Variants in PLPP3 observed in about 807,000 individuals in gnomAD.
The protein encoded by PLPP3 is PAP2 beta.
A neutral mutation model predicts 29.6 loss-of-function variants in PLPP3; 6 were observed. The ratio of observed to expected loss-of-function variants is 0.20; its 90% CI spans 0.11 to 0.40. The LOEUF (loss-of-function observed/expected upper bound fraction) is 0.40, where lower values mean the gene tolerates loss of function less well. Ranked by LOEUF, PLPP3 falls within the 10% of genes least tolerant of loss-of-function variation. The pLI is 1.00. For synonymous variants in PLPP3, 152 were observed against 159.7 expected (o/e 0.95, Z 0.36); for missense variants, 308 against 407.7 (o/e 0.76, Z 2.11).
rs1176411561 is a variant in PLPP3 at position 56,496,636 on chromosome 1, A to C, written c.851T>G (p.Leu284Arg). The C allele has an allele frequency of 1.2e-6, 2 of 1,613,902 alleles. No homozygotes were observed. Among genetic ancestry groups the C allele is most frequent in the Non-Finnish European group, 1.7e-6 (2 of 1,179,866 alleles). The change falls in exon 6 of 6, where the codon CTC becomes CGC. Residue 284 changes from leucine (L) to arginine (R), a missense_variant. Leu to Arg is a moderately radical substitution (Grantham distance 102). Around this residue, in one of 3 missense-constraint regions of PLPP3, gnomAD observed 232 missense variants for 317.2 expected, o/e 0.73. Coordinates refer to ENST00000371250, the MANE Select transcript of PLPP3 (RefSeq NM_003713.5). ...VSDLFKTKTT[L>R]SLPAPAIRKE... ...CCGGATAGCAGGGGCAGGCAGGGAG[A>C]GCGTCGTCTTAGTCTTGAAGAGGTC... is the stretch of plus-strand genomic sequence containing the variant.
chr1:56,507,614 T>C (rs1645712276), intron 5 of PLPP3, among the ~76,000 whole-genome samples: 1 of 152,160 alleles, frequency 6.6e-6, no homozygotes, highest in African/African-American at 2.4e-5. Context: ...CAATACTGTC[T>C]CCAGGGACTG....
intron 1 of PLPP3, among the ~76,000 whole-genome samples, chr1:56,561,256 T>C (rs180699167): frequency 1.4e-3 from 220 of 152,082 alleles, no homozygotes; most frequent in African/African-American, 5.0e-3. Context: ...GAAGCTATCA[T>C]GGTTAGCACA....
At chr1:56,510,043 T>C (rs1018087030) in intron 5 of PLPP3, among the ~76,000 whole-genome samples, 4 of 152,108 alleles carry the variant, frequency 2.6e-5, no homozygotes, top group Non-Finnish European at 5.9e-5. Context: ...TTATGGCCCA[T>C]GTTTTAGGAT....
intron 2 of PLPP3, among the ~76,000 whole-genome samples, chr1:56,529,529 G>T (rs75201230): frequency 0.011 from 1,632 of 152,230 alleles, 27 homozygotes; most frequent in African/African-American, 0.036. Flanking sequence ...ATGGAGAATC[G>T]TGAAGGGAGA....
intron 1 of PLPP3, among the ~76,000 whole-genome samples, chr1:56,562,839 G>C (rs1464252218): frequency 2.0e-5 from 3 of 152,108 alleles, no homozygotes; most frequent in Admixed American, 2.0e-4. Flanking sequence ...TTCTTCCTTA[G>C]GGCAGGTTCC....
chr1:56,514,322 T>C (rs1433446108), intron 4 of PLPP3, among the ~76,000 whole-genome samples: 1 of 151,852 alleles, frequency 6.6e-6, no homozygotes, highest in Non-Finnish European at 1.5e-5. Flanking sequence ...GTGGGGGATA[T>C]ATATTCCAGG....
intron 1 of PLPP3, among the ~76,000 whole-genome samples, chr1:56,578,382 G>C (rs951543104): frequency 1.3e-5 from 2 of 152,174 alleles, no homozygotes; most frequent in South Asian, 4.1e-4. Context: ...TAGCCAGTCT[G>C]GCGAGCCTGG....
At chr1:56,508,948 C>T (rs1444342975) in intron 5 of PLPP3, among the ~76,000 whole-genome samples, 2 of 152,202 alleles carry the variant, frequency 1.3e-5, no homozygotes, top group African/African-American at 4.8e-5. Context: ...GGAAAAGACA[C>T]TACCTTCTTT....
intron 1 of PLPP3, among the ~76,000 whole-genome samples, chr1:56,572,043 G>GCTTTT (rs1553140697): frequency 4.7e-5 from 4 of 85,072 alleles, no homozygotes; most frequent in Non-Finnish European, 4.0e-5. Flanking sequence ...ATCATTTCTG[G>GCTTTT]TTTTTTTTTT....
chr1:56,579,298 C>T lies in PLPP3; in HGVS notation c.-282G>A. 1 of 387,250 alleles carries T rather than the reference C, an allele frequency of 2.6e-6. No homozygotes were observed. The allele number at this position is 387,250 out of a possible 1,614,324, so 24.0% of individuals were successfully genotyped here. A position where few individuals can be genotyped will look rare whatever the true frequency, so the allele number is the denominator to read the frequency against. ...GCCAGATCCCGAGCAGAAACTTTTGCAGAGCTGCGCAGCTTGGGGCGCGCT... is the reference window on the plus strand; with the variant it reads ...GCCAGATCCCGAGCAGAAACTTTTGTAGAGCTGCGCAGCTTGGGGCGCGCT... On this transcript the variant is annotated 5_prime_UTR_variant, in exon 1 of 6. Transcript: ENST00000371250.
chr1:56,515,295 C>T (rs1454410423), intron 4 of PLPP3, among the ~76,000 whole-genome samples: 2 of 152,078 alleles, frequency 1.3e-5, no homozygotes. Flanking sequence ...TTTCTAAATT[C>T]CCTTGCTGAA....
chr1:56,533,632 T>C (rs1421981728), intron 2 of PLPP3, among the ~76,000 whole-genome samples: 1 of 152,110 alleles, frequency 6.6e-6, no homozygotes, highest in Non-Finnish European at 1.5e-5. Context: ...AGCGTGCACA[T>C]AAAAGCCACG....
At chr1:56,567,287 A>C (rs1018662167) in intron 1 of PLPP3, among the ~76,000 whole-genome samples, 3 of 152,172 alleles carry the variant, frequency 2.0e-5, no homozygotes, top group African/African-American at 4.8e-5. Flanking sequence ...AATCCCTCTA[A>C]AAACAAAGTG....
At chr1:56,514,612 A>G (rs1569870537) in intron 4 of PLPP3, among the ~76,000 whole-genome samples, 1 of 152,310 alleles carries the variant, frequency 6.6e-6, no homozygotes, top group East Asian at 1.9e-4. Flanking sequence ...TATTTTTGTC[A>G]ATTATCATGC....
chr1:56,550,899 A>G (rs1241714197), intron 1 of PLPP3, among the ~76,000 whole-genome samples: 1 of 152,198 alleles, frequency 6.6e-6, no homozygotes, highest in East Asian at 1.9e-4. Context: ...CCTTGAAAAG[A>G]AGTGGAAGAA....
chr1:56,560,589 T>G (rs72664373), intron 1 of PLPP3, among the ~76,000 whole-genome samples: 13,993 of 152,134 alleles, frequency 0.092, 909 homozygotes, highest in East Asian at 0.22. Context: ...GCTCCCTCAG[T>G]CCTGTTTTAT....
rs1191242926 is a variant in PLPP3 at position 56,538,581 on chromosome 1, G to A, written c.140-1469C>T. On this transcript the variant is annotated intron_variant, in intron 1 of 5. Coordinates refer to ENST00000371250, the MANE Select transcript of PLPP3 (RefSeq NM_003713.5). Reference sequence around the variant, plus strand: ...GAAAGGTGATGCTGTAGACATCTAAGGGAATGGGTACTGCTCTAAAAAGAA... The same window carrying A: ...GAAAGGTGATGCTGTAGACATCTAAAGGAATGGGTACTGCTCTAAAAAGAA... The A allele has an allele frequency of 6.0e-5, 22 of 369,744 alleles. 1 individual carries two copies. The Middle Eastern group carries it at 1.2e-3, about 20-fold the overall frequency. The allele number at this position is 369,744 out of a possible 1,614,324, so 22.9% of individuals were successfully genotyped here.
intron 1 of PLPP3, among the ~76,000 whole-genome samples, chr1:56,567,949 ATTAT>A (rs1161417122): frequency 2.6e-5 from 4 of 152,246 alleles, no homozygotes; most frequent in African/African-American, 9.6e-5. Context: ...ATAATGGAAT[ATTAT>A]TTGACAATAA....
chr1:56,521,110 C>G (rs891739687), intron 4 of PLPP3, among the ~76,000 whole-genome samples: 3 of 151,116 alleles, frequency 2.0e-5, no homozygotes, highest in African/African-American at 7.3e-5. Flanking sequence ...TGGCATGTGC[C>G]TGTGGTCCCA....
Sources: gnomAD v4.1 joint callset for allele counts (sites outside exome capture counted in the v4.1 genomes callset) on GRCh38, gnomAD v4.1.1 for gene constraint, gnomAD v4.1.1 regional missense constraint, MANE v1.5 for transcripts, NCBI Gene and HGNC (gene_info 2026-07-23, HGNC 2026-07-21) for gene names.